The following STX1A variants were observed in gnomAD, a reference collection of about 807,000 sequenced individuals.
The protein encoded by STX1A is syntaxin 1A, also known as syntaxin-1A.
STX1A carries 4 observed loss-of-function variants against 37.8 expected under a neutral mutation model. That is an observed-to-expected ratio of 0.11 (90% confidence interval 0.05 to 0.24). The LOEUF is 0.24. Ranked by LOEUF, STX1A falls within the 10% of genes least tolerant of loss-of-function variation. The pLI is 1.00. For missense variants in STX1A, 251 were observed against 399.9 expected (o/e 0.63, Z 3.18); for synonymous variants, 135 against 147.4 (o/e 0.92, Z 0.61).
chr7:73,703,091 G>A, intron 7 of STX1A, 109 bp from the exon 8 acceptor site: 1 of 935,522 alleles, frequency 1.1e-6, no homozygotes, highest in South Asian at 1.6e-5. Context: ...AAGGGGGCCT[G>A]AGGCTTCCTC....
chr7:73,716,260 G>A (rs1402691481), intron 1 of STX1A, among the ~76,000 whole-genome samples: 2 of 152,266 alleles, frequency 1.3e-5, no homozygotes, highest in African/African-American at 4.8e-5. Context: ...CTGCCACTCT[G>A]CAAAGTAGGT....
rs758220995 is a variant in STX1A at position 73,709,451 on chromosome 7, T to C, written c.31-329A>G. On this transcript the variant is annotated intron_variant, in intron 1 of 9. Transcript: ENST00000222812. The surrounding 1 kb of genome is among the most constrained non-coding windows in gnomAD (Gnocchi z 4.2). The stretch of plus-strand genomic sequence containing the variant: ...CAAGCGAGCCTGGGGCCGGCCGCTC[T>C]GTCTGGGCCCTCTGGGTCCCCTAGG... Among the ~76,000 whole-genome samples, 3 of 152,094 alleles carry C rather than the reference T, an allele frequency of 2.0e-5. No homozygotes were observed. The highest frequency in any genetic ancestry group is 4.4e-5 in the Non-Finnish European group (3 of 68,002).
Position 73,700,543 on chromosome 7 carries a change from C to CT in STX1A, c.790-60dup. On this transcript the variant is annotated intron_variant, in intron 9 of 9. Transcript: ENST00000222812. The surrounding 1 kb of genome is among the most constrained non-coding windows in gnomAD (Gnocchi z 4.4). ...AGTGTTGGCGGCAGGTGGGGTGGGACTATGGCAAAGGCTGAGGACTGGACA... is the reference window on the plus strand; with the variant it reads ...AGTGTTGGCGGCAGGTGGGGTGGGACTTATGGCAAAGGCTGAGGACTGGACA... 6.3e-7 allele frequency: 1 copy of CT among 1,593,184 alleles called. No homozygotes were observed. The highest frequency in any genetic ancestry group is 1.1e-5 in the South Asian group (1 of 89,344).
Position 73,706,588 on chromosome 7 carries a change from T to C in STX1A, c.209-1364A>G, listed in dbSNP as rs1798881016. ...GACTCAGAACCGGTCCCTATGACTG[T>C]GCATGACACCGCAGCAGGAGACGGT... On this transcript the variant is annotated intron_variant, in intron 3 of 9. Coordinates refer to ENST00000222812, the MANE Select transcript of STX1A (RefSeq NM_004603.4). This position sits in a 1 kb window ranked among gnomAD's most constrained non-coding sequence, Gnocchi z 4.6. Among the ~76,000 whole-genome samples the C allele has an allele frequency of 2.6e-5, 4 of 152,098 alleles. No individual in the cohort carries two copies. The highest frequency in any genetic ancestry group is 2.6e-4 in the Admixed American group (4 of 15,266).
At position 73,700,358 on chromosome 7, in the gene STX1A, G is replaced by A. The variant is rs371237341; in HGVS notation, c.*49C>T. On this transcript the variant is annotated 3_prime_UTR_variant, in exon 10 of 10. Transcript: ENST00000222812. The surrounding 1 kb of genome is among the most constrained non-coding windows in gnomAD (Gnocchi z 4.4). ...GCCCAGCCAGGTGGCAGCAGCCAGG[G>A]CCTCCTTGGAGTGGCCCACCTGGAG... 2 of 1,596,314 alleles carry A rather than the reference G, an allele frequency of 1.3e-6. No individual in the cohort carries two copies. Among genetic ancestry groups the A allele is most frequent in the Non-Finnish European group, 8.6e-7 (1 of 1,164,186 alleles).
chr7:73,708,241 C>T (rs190481282), intron 3 of STX1A, among the ~76,000 whole-genome samples: 2,062 of 128,202 alleles, frequency 0.016, 45 homozygotes, highest in African/African-American at 0.056. Flanking sequence ...TCCAGCCTGG[C>T]GACAGAGCAA....
intron 2 of STX1A, 86 bp downstream of exon 2, chr7:73,708,958 GA>G: frequency 2.1e-6 from 3 of 1,445,826 alleles, no homozygotes; most frequent in Non-Finnish European, 2.9e-6. Context: ...GTGCAGGTGT[GA>G]AAGAGCACTG....
chr7:73,704,680 C>T (rs1798806997), intron 4 of STX1A: 2 of 566,936 alleles, frequency 3.5e-6, no homozygotes, highest in South Asian at 2.0e-5. Context: ...GTAGCTCCGG[C>T]CACCCTATGC....
intron 1 of STX1A, among the ~76,000 whole-genome samples, chr7:73,715,760 G>A (rs1278037794): frequency 6.6e-6 from 1 of 152,200 alleles, no homozygotes; most frequent in Non-Finnish European, 1.5e-5. Flanking sequence ...TGTCTGCCTC[G>A]AGGGCTATTT....
chr7:73,703,054 C>CAGGGGGGCGGGGGGGGTGGG, intron 7 of STX1A, 72 bp from the exon 8 acceptor site: 1 of 402,128 alleles, frequency 2.5e-6, no homozygotes, highest in Non-Finnish European at 4.0e-6. Context: ...AGGGGGAGGG[C>CAGGGGGGCGGGGGGGGTGGG]GTTTGGGGTG....
intron 1 of STX1A, among the ~76,000 whole-genome samples, chr7:73,718,740 G>T (rs1799381832): frequency 6.6e-6 from 1 of 152,120 alleles, no homozygotes; most frequent in Non-Finnish European, 1.5e-5. Flanking sequence ...CACGCAGGCT[G>T]CAGGGGTCTC....
At position 73,700,121 on chromosome 7, in the gene STX1A, T is replaced by C; in HGVS notation, c.*286A>G. The stretch of plus-strand genomic sequence containing the variant: ...TGAAGGCAAGGAAGGGTGGCCTGTG[T>C]CACCCTGGCGGCCCTGCCTGGGTCT... On this transcript the variant is annotated 3_prime_UTR_variant, in exon 10 of 10. Transcript: ENST00000222812. The surrounding 1 kb of genome is among the most constrained non-coding windows in gnomAD (Gnocchi z 4.4). 2.0e-6 allele frequency: 1 copy of C among 506,706 alleles called. No homozygotes were observed. The highest frequency in any genetic ancestry group is 3.4e-5 in the Admixed American group (1 of 29,298). 31.4% of individuals were successfully genotyped at this position (506,706 alleles called of 1,614,324 possible). A position where few individuals can be genotyped will look rare whatever the true frequency, so the allele number is the denominator to read the frequency against.
In STX1A at chr7:73,718,319, T is replaced by C. The variant is rs558604800; in HGVS notation, c.30+1283A>G. ...GTGGTGCCAGAGCAAGTGGGGGACA[T>C]GAAGGCAGGGGAGCCCAGGTCCCGG... On this transcript the variant is annotated intron_variant, in intron 1 of 9. Transcript: ENST00000222812. 2.0e-4 allele frequency among the ~76,000 whole-genome samples: 31 copies of C among 152,142 alleles called. No homozygotes were observed. In the South Asian group the frequency reaches 6.2e-3, roughly 31 times the overall value.
chr7:73,706,057 C>T lies in STX1A; in HGVS notation c.209-833G>A, dbSNP rs1055678623. 6.6e-6 allele frequency among the ~76,000 whole-genome samples: 1 copy of T among 152,128 alleles called. No individual in the cohort carries two copies. The highest frequency in any genetic ancestry group is 6.5e-5 in the Admixed American group (1 of 15,288). On this transcript the variant is annotated intron_variant, in intron 3 of 9. Transcript: ENST00000222812. This position sits in a 1 kb window ranked among gnomAD's most constrained non-coding sequence, Gnocchi z 4.6. ...CTTGGGGGTGCTCCTGGCAACACCC[C>T]AGTCTCAGGACACCCCCAGGACTCT...
intron 1 of STX1A, among the ~76,000 whole-genome samples, chr7:73,715,440 A>C (rs1799259260): frequency 6.6e-6 from 1 of 151,688 alleles, no homozygotes; most frequent in South Asian, 2.1e-4. Context: ...AAAAAAAACC[A>C]ACAAAAAACA....
At chr7:73,710,075 G>T (rs1364375427) in intron 1 of STX1A, among the ~76,000 whole-genome samples, 7 of 152,122 alleles carry the variant, frequency 4.6e-5, no homozygotes, top group African/African-American at 1.7e-4. Flanking sequence ...CCTCCTTCCA[G>T]TCCCCAGACC....
At chr7:73,704,020 C>A in intron 6 of STX1A, 128 bp downstream of exon 6, 1 of 1,179,450 alleles carries the variant, frequency 8.5e-7, no homozygotes, top group South Asian at 1.5e-5. Flanking sequence ...CCAAACTCAG[C>A]AGCTGCCTCG....
In STX1A at chr7:73,709,180, G is replaced by A. The variant is rs1266826565; in HGVS notation, c.31-58C>T. 31 of 1,561,380 alleles carry A rather than the reference G, an allele frequency of 2.0e-5. No homozygotes were observed. Among genetic ancestry groups the A allele is most frequent in the East Asian group, 1.3e-4 (6 of 44,504 alleles). ...ATGTACAGGACCCACCTGTACACACGCAGGTGCCCAGGGTACAGCGCCAGG... is the reference window on the plus strand; with the variant it reads ...ATGTACAGGACCCACCTGTACACACACAGGTGCCCAGGGTACAGCGCCAGG... On this transcript the variant is annotated intron_variant, in intron 1 of 9. Transcript: ENST00000222812. This position sits in a 1 kb window ranked among gnomAD's most constrained non-coding sequence, Gnocchi z 4.2.
chr7:73,704,158 C>G lies in STX1A; in HGVS notation c.456G>C (p.Gln152His). ...CCACCCCCAGCTCACTGATCTCCAG[C>G]TGCCTCTGGATGCGGCCTTTGCAGC... ...RERCKGRIQR[Q>H]LEITGRTTTS... The change falls in exon 6 of 10, where the codon CAG (glutamine) becomes CAC (histidine). Residue 152 changes from glutamine (Q) to histidine (H), a missense_variant. Physicochemically the swap from Gln to His is conservative, Grantham distance 24 (BLOSUM62 0). Coordinates refer to ENST00000222812, the MANE Select transcript of STX1A (RefSeq NM_004603.4). 1 of 1,610,080 alleles carries G rather than the reference C, an allele frequency of 6.2e-7. No homozygotes were observed. Among genetic ancestry groups the G allele is most frequent in the Non-Finnish European group, 8.5e-7 (1 of 1,179,888 alleles).
Sources: allele counts gnomAD v4.1 joint callset (sites outside exome capture counted in the v4.1 genomes callset), GRCh38; gene constraint gnomAD v4.1.1; non-coding constraint Gnocchi (gnomAD v3.1); transcripts MANE v1.5; gene names NCBI Gene and HGNC (gene_info 2026-07-23, HGNC 2026-07-21).